MYH7B: variants seen among roughly 807,000 people sequenced by gnomAD.
MYH7B encodes myosin heavy chain 7B, also known as myosin-7B.
A neutral mutation model predicts 234.5 loss-of-function variants in MYH7B; 205 were observed. The observed-to-expected ratio is 0.87, with a 90% CI of 0.78 to 0.98. The LOEUF is 0.98. MYH7B is among the 50% of genes least tolerant of loss of function. The pLI is 0.00. For missense variants in MYH7B, 2,652 were observed against 2,633.4 expected (o/e 1.01, Z -0.15); for synonymous variants, 1,193 against 1,105.0 (o/e 1.08, Z -1.58).
exon 19 of MYH7B, chr20:34,988,176 CAGG>C (rs745664327): frequency 8.7e-6 from 14 of 1,614,150 alleles, no homozygotes; most frequent in African/African-American, 5.3e-5. Flanking sequence ...TGTGCTGGAG[CAGG>C]AGGAGTACAA....
chr20:34,998,582 G>A (rs772431423), exon 34 of MYH7B: 18 of 1,613,440 alleles, frequency 1.1e-5, no homozygotes, highest in Middle Eastern at 1.6e-4. Context: ...GGCCCTGGCC[G>A]CCCAAAGCCT....
exon 17 of MYH7B, chr20:34,987,621 C>T: frequency 1.9e-6 from 3 of 1,614,024 alleles, no homozygotes; most frequent in Non-Finnish European, 2.5e-6. Flanking sequence ...GCCTTTTGCA[C>T]CCCCGGGTGC....
chr20:34,991,174 G>C (rs2082141442), intron 24 of MYH7B, 53 bp downstream of exon 24: 9 of 1,317,028 alleles, frequency 6.8e-6, no homozygotes, highest in Admixed American at 1.9e-5. Context: ...CTGAGGGGCT[G>C]GGCAGGACAC....
chr20:34,968,878 A>T (rs922172504), intron 2 of MYH7B, among the ~76,000 whole-genome samples: 2 of 152,304 alleles, frequency 1.3e-5, no homozygotes, highest in Middle Eastern at 3.4e-3. Flanking sequence ...GCCAGCACAC[A>T]AGGGGCTGGG....
At chr20:34,982,875 C>CT (rs2081960941) in intron 10 of MYH7B, among the ~76,000 whole-genome samples, 1 of 152,196 alleles carries the variant, frequency 6.6e-6, no homozygotes, top group Admixed American at 6.5e-5. Flanking sequence ...AGATGGGCTG[C>CT]TTTTACTAAG....
intron 2 of MYH7B, among the ~76,000 whole-genome samples, chr20:34,967,916 AC>A (rs2081758182): frequency 6.6e-6 from 1 of 151,754 alleles, no homozygotes; most frequent in South Asian, 2.1e-4. Context: ...CCCCACTAAG[AC>A]CTCTCTTCCA....
rs576777572 is a variant in MYH7B at position 34,993,522 on chromosome 20, C to A, written c.2444+52C>A. The A allele has an allele frequency of 1.2e-4, 174 of 1,482,096 alleles. 1 individual carries two copies. In the African/African-American group the frequency reaches 2.1e-3, roughly 18 times the overall value. 91.8% of individuals were successfully genotyped at this position (1,482,096 alleles called of 1,614,324 possible). Reference sequence around the variant, plus strand: ...AGGGTGTGTCCCCTGCCTCTCAGCTCCCAGACCCACTGGCTCTCCCAACCC... The same window carrying A: ...AGGGTGTGTCCCCTGCCTCTCAGCTACCAGACCCACTGGCTCTCCCAACCC... On this transcript the variant is annotated intron_variant, in intron 26 of 44. Transcript: ENST00000262873.
At chr20:34,996,871 C>T in intron 30 of MYH7B, 113 bp downstream of exon 30, 1 of 1,444,050 alleles carries the variant, frequency 6.9e-7, no homozygotes, top group African/African-American at 1.4e-5. Flanking sequence ...TGGGGGTTGA[C>T]AGATGGGGCA....
In MYH7B at chr20:34,998,481, T is replaced by TGC. The variant is rs753941197; in HGVS notation, c.3875-29_3875-28insCG. On this transcript the variant is annotated intron_variant, in intron 33 of 44. Transcript: ENST00000262873. ...GGCTTTGGTGCAGCCCTCACCAGCC[T>TGC]GACCTGTCCGCTCGCCTCTTTGCCT... 228 of 1,612,994 alleles carry TGC rather than the reference T, an allele frequency of 1.4e-4. No homozygotes were observed. In the African/African-American group the frequency reaches 2.6e-3, roughly 18 times the overall value.
intron 28 of MYH7B, 116 bp from the exon 29 acceptor site, chr20:34,996,230 A>C: frequency 8.1e-7 from 1 of 1,234,424 alleles, no homozygotes; most frequent in Non-Finnish European, 1.1e-6. Context: ...CTCGGAGTCA[A>C]GTGACTTGCC....
At chr20:34,986,400 C>T (rs544964234) in intron 14 of MYH7B, among the ~76,000 whole-genome samples, 13 of 152,348 alleles carry the variant, frequency 8.5e-5, no homozygotes, top group Admixed American at 5.9e-4. Flanking sequence ...AACGTGTTAT[C>T]GCTGCCTCCA....
At chr20:34,958,572 T>C (rs2081663050) in intron 2 of MYH7B, among the ~76,000 whole-genome samples, 1 of 152,116 alleles carries the variant, frequency 6.6e-6, no homozygotes. Flanking sequence ...TTCAAACAAT[T>C]CTCCTGCCTC....
At chr20:34,981,172 T>C (rs754816906) in intron 9 of MYH7B, 112 bp downstream of exon 9, 68 of 1,358,448 alleles carry the variant, frequency 5.0e-5, no homozygotes, top group Admixed American at 9.8e-5. Flanking sequence ...GCCAGGACTT[T>C]TACCACCTGG....
chr20:34,999,125 G>A lies in MYH7B; in HGVS notation c.4260G>A (p.Ser1420=), dbSNP rs754180013. ...AGGCTGCCAACGCCAAGTGCTCATC[G>A]TTGGAGAAGGCCAAGCTGCGGCTAC... Residue 1420 remains serine (S), a synonymous_variant, in exon 36 of 45, where the codon TCG becomes TCA. Transcript: ENST00000262873. The A allele has an allele frequency of 1.1e-5, 17 of 1,613,530 alleles. No individual in the cohort carries two copies. The highest frequency in any genetic ancestry group is 6.7e-5 in the African/African-American group (5 of 74,946).
rs1158229514 is a variant in MYH7B at position 34,987,762 on chromosome 20, C to A, written c.1267-3C>A. The A allele has an allele frequency of 6.2e-7, 1 of 1,614,066 alleles. No homozygotes were observed. Among genetic ancestry groups the A allele is most frequent in the African/African-American group, 1.3e-5 (1 of 74,936 alleles). On this transcript the variant is annotated splice_region_variant and splice_polypyrimidine_tract_variant and intron_variant, in intron 17 of 44. Transcript: ENST00000262873. ...TCCCAGCCCAGCCTCCCTGCACCTC[C>A]AGGTGGTGTTTGCTGTGGGGGCTCT...
chr20:34,998,379 G>A (rs1016530360), exon 33 of MYH7B: 2 of 1,613,376 alleles, frequency 1.2e-6, no homozygotes, highest in Admixed American at 3.3e-5. Context: ...GCGGCAGCTG[G>A]CGGACGCAAG....
At chr20:34,993,652 G>A (rs1044014165) in intron 26 of MYH7B, among the ~76,000 whole-genome samples, 182 bp downstream of exon 26, 17 of 152,232 alleles carry the variant, frequency 1.1e-4, no homozygotes, top group African/African-American at 3.6e-4. Flanking sequence ...ACGGGGTACG[G>A]CACTTGCCTC....
rs71349783 is a variant in MYH7B at position 34,999,760 on chromosome 20, C to T, written c.4666-31C>T. 1.4e-4 allele frequency: 157 copies of T among 1,112,410 alleles called. 2 individuals carry two copies. In the African/African-American group the frequency reaches 2.1e-3, roughly 15 times the overall value. The allele number at this position is 1,112,410 out of a possible 1,614,324, so 68.9% of individuals were successfully genotyped here. A position where few individuals can be genotyped will look rare whatever the true frequency, so the allele number is the denominator to read the frequency against. On this transcript the variant is annotated intron_variant, in intron 37 of 44. Transcript: ENST00000262873. ...CTGCTCCACTGGCCATCCCCCCCCC[C>T]CACCCTACCCTGCCTGCTCTGTATC...
intron 2 of MYH7B, among the ~76,000 whole-genome samples, chr20:34,971,070 G>A (rs1260767930): frequency 6.6e-6 from 1 of 152,150 alleles, no homozygotes; most frequent in Non-Finnish European, 1.5e-5. Context: ...TCACTCTTGG[G>A]GGCAGCCAGT....
Sources: gnomAD v4.1 joint callset for allele counts (sites outside exome capture counted in the v4.1 genomes callset) on GRCh38, gnomAD v4.1.1 for gene constraint, MANE v1.5 for transcripts, NCBI Gene and HGNC (gene_info 2026-07-23, HGNC 2026-07-21) for gene names.